The following SEM1 variants were observed in gnomAD, a reference collection of about 807,000 sequenced individuals.
SEM1 encodes the protein SEM1 26S proteasome subunit.
In SEM1, 3 loss-of-function variants were observed where a neutral mutation model predicts 12.7. That is an observed-to-expected ratio of 0.24 (90% CI 0.11 to 0.61). The LOEUF (loss-of-function observed/expected upper bound fraction) is 0.61. Ranked by LOEUF, SEM1 falls within the 20% of genes least tolerant of loss-of-function variation. SEM1 has a pLI of 0.88. For synonymous variants in SEM1, 30 were observed against 27.8 expected (o/e 1.08, Z -0.25); for missense variants, 59 against 81.3 (o/e 0.73, Z 1.06).
Position 96,660,030 on chromosome 7 carries a change from C to T in SEM1, c.170+34768G>A, listed in dbSNP as rs1327826552. 2.0e-5 allele frequency among the ~76,000 whole-genome samples: 3 copies of T among 151,800 alleles called. No homozygotes were observed. The East Asian group carries it at 5.8e-4, about 29-fold the overall frequency. Reference sequence around the variant, plus strand: ...TTTCAGATTGGATAAAAAGTAAAACCTACTGTTGATTATAAGCAGTTCCCC... The same window carrying T: ...TTTCAGATTGGATAAAAAGTAAAACTTACTGTTGATTATAAGCAGTTCCCC... On this transcript the variant is annotated intron_variant, in intron 2 of 2. Coordinates refer to the SEM1 transcript ENST00000417009.
intron 2 of SEM1, among the ~76,000 whole-genome samples, chr7:96,520,130 TCATA>T (rs952016403): frequency 1.3e-5 from 2 of 152,050 alleles, no homozygotes; most frequent in South Asian, 2.1e-4. Flanking sequence ...TGAAGTAGGA[TCATA>T]CATACATACA....
At chr7:96,709,422 G>A (rs74772526) in intron 1 of SEM1, among the ~76,000 whole-genome samples, 3,882 of 152,324 alleles carry the variant, frequency 0.025, 71 homozygotes, top group Non-Finnish European at 0.033. Flanking sequence ...AACCATCACA[G>A]ACGCGGGGCT....
chr7:96,492,283 G>A (rs1192365987), intron 1 of SEM1, among the ~76,000 whole-genome samples: 1 of 151,992 alleles, frequency 6.6e-6, no homozygotes, highest in East Asian at 1.9e-4. Flanking sequence ...CTGTCTCTAG[G>A]CATTTGACTA....
At chr7:96,653,690 T>C (rs1229550026) in intron 2 of SEM1, 1 of 152,090 alleles carries the variant, frequency 6.6e-6, no homozygotes, top group Non-Finnish European at 1.5e-5. Flanking sequence ...TCCCAATAAC[T>C]AATCTATATC....
downstream of SEM1, among the ~76,000 whole-genome samples, chr7:96,684,140 C>T (rs1322890775): frequency 1.3e-5 from 2 of 152,122 alleles, no homozygotes; most frequent in Admixed American, 1.3e-4. Context: ...AATCTTCACC[C>T]TCAAACTGCA....
intron 2 of SEM1, among the ~76,000 whole-genome samples, chr7:96,578,494 A>G (rs749253949): frequency 2.0e-5 from 3 of 152,172 alleles, no homozygotes; most frequent in Non-Finnish European, 4.4e-5. Flanking sequence ...CCAGTGAAAC[A>G]TCTTCCAATG....
downstream of SEM1, among the ~76,000 whole-genome samples, chr7:96,671,212 T>C (rs1328882052): frequency 6.6e-6 from 1 of 152,148 alleles, no homozygotes; most frequent in African/African-American, 2.4e-5. Context: ...GAATCAGAAA[T>C]CAGCAATAAG....
chr7:96,645,927 C>T (rs1808777870), intron 2 of SEM1: 2 of 398,276 alleles, frequency 5.0e-6, no homozygotes, highest in Non-Finnish European at 8.9e-6. Flanking sequence ...AGAGATGATG[C>T]TGTGTCTACC....
chr7:96,587,448 G>A (rs531080228), intron 2 of SEM1, among the ~76,000 whole-genome samples: 8 of 152,086 alleles, frequency 5.3e-5, no homozygotes, highest in Non-Finnish European at 1.2e-4. Context: ...TCTGCTTTGA[G>A]CTGTTCTTTC....
chr7:96,703,950 G>A (rs141100583), intron 1 of SEM1, among the ~76,000 whole-genome samples: 3,626 of 149,066 alleles, frequency 0.024, 65 homozygotes, highest in Admixed American at 0.037. Context: ...CAGAGCACCA[G>A]AGCAAGACCT....
At chr7:96,558,337 A>G (rs1805592759) in intron 2 of SEM1, 1 of 152,272 alleles carries the variant, frequency 6.6e-6, no homozygotes, top group Non-Finnish European at 1.5e-5. Flanking sequence ...GGGTAAACCA[A>G]TGGGTGTTAC....
intron 2 of SEM1, among the ~76,000 whole-genome samples, chr7:96,571,392 G>C (rs1176081066): frequency 2.0e-5 from 3 of 151,896 alleles, no homozygotes; most frequent in Non-Finnish European, 4.4e-5. Context: ...AATGTGTATG[G>C]AAGGGTTCCA....
At chr7:96,668,641 T>C (rs996161216), downstream of SEM1, among the ~76,000 whole-genome samples, 3 of 152,172 alleles carry the variant, frequency 2.0e-5, no homozygotes, top group African/African-American at 7.2e-5. Flanking sequence ...CCCAGGTTTG[T>C]CTTGGTTCTT....
chr7:96,554,664 T>G (rs886792407), intron 2 of SEM1, among the ~76,000 whole-genome samples: 5 of 151,692 alleles, frequency 3.3e-5, no homozygotes, highest in African/African-American at 4.8e-5. Flanking sequence ...TCTCTTTTTT[T>G]GTTGTGTCTC....
At chr7:96,561,509 A>G (rs1246152435) in intron 2 of SEM1, among the ~76,000 whole-genome samples, 1 of 152,338 alleles carries the variant, frequency 6.6e-6, no homozygotes, top group East Asian at 1.9e-4. Context: ...TTCGACGCCT[A>G]TAACCTGCTG....
chr7:96,658,768 C>T (rs1809269434), intron 2 of SEM1, among the ~76,000 whole-genome samples: 1 of 152,212 alleles, frequency 6.6e-6, no homozygotes, highest in South Asian at 2.1e-4. Flanking sequence ...GAGTGTCCCA[C>T]AGCCACCACA....
chr7:96,657,338 G>T (rs1809214417), intron 2 of SEM1, among the ~76,000 whole-genome samples: 6 of 152,146 alleles, frequency 3.9e-5, no homozygotes, highest in Admixed American at 3.9e-4. Flanking sequence ...TGCTTTCAGG[G>T]ATAAATGAAT....
intron 2 of SEM1, among the ~76,000 whole-genome samples, chr7:96,642,164 A>C (rs575628903): frequency 6.6e-6 from 1 of 152,186 alleles, no homozygotes; most frequent in Admixed American, 6.6e-5. Flanking sequence ...CACATCTAGA[A>C]CATTTTCATC....
At chr7:96,610,908 C>T (rs1026615931) in intron 2 of SEM1, among the ~76,000 whole-genome samples, 1 of 152,146 alleles carries the variant, frequency 6.6e-6, no homozygotes, top group Non-Finnish European at 1.5e-5. Flanking sequence ...TGAAAAGCAG[C>T]AAATGCTGGG....
Sources: gnomAD v4.1 joint callset for allele counts (sites outside exome capture counted in the v4.1 genomes callset) on GRCh38, gnomAD v4.1.1 for gene constraint, MANE v1.5 for transcripts, NCBI Gene and HGNC (gene_info 2026-07-23, HGNC 2026-07-21) for gene names.